AR: variants seen among roughly 807,000 people sequenced by gnomAD.
AR encodes dihydrotestosterone receptor.
A neutral mutation model predicts 53.9 loss-of-function variants in AR; 8 were observed. The ratio of observed to expected loss-of-function variants is 0.15; its 90% CI spans 0.09 to 0.27. AR has a LOEUF of 0.27. AR is among the 10% of genes least tolerant of loss of function. The pLI is 1.00. For missense variants in AR, 639 were observed against 742.5 expected (o/e 0.86, Z 1.62); for synonymous variants, 359 against 316.4 (o/e 1.13, Z -1.43).
chrX:67,632,531 C>G (rs1925210033), intron 1 of AR, among the ~76,000 whole-genome samples: 1 of 112,252 alleles, frequency 8.9e-6, no homozygotes, highest in Non-Finnish European at 1.9e-5. Flanking sequence ...CTGACCTGCG[C>G]CCACTGTCTG....
intron 2 of AR, among the ~76,000 whole-genome samples, chrX:67,674,528 C>T (rs1334199628): frequency 9.0e-6 from 1 of 111,266 alleles, no homozygotes; most frequent in Non-Finnish European, 1.9e-5. Context: ...ATTTTTTCCA[C>T]ACTTTCCTTC....
intron 2 of AR, among the ~76,000 whole-genome samples, chrX:67,676,190 G>A (rs1435617850): frequency 8.9e-6 from 1 of 111,736 alleles, no homozygotes; most frequent in Non-Finnish European, 1.9e-5. Context: ...TTGCCTCTGA[G>A]CAACCCTGCA....
chrX:67,580,936 G>C lies in AR; in HGVS notation c.1616+34174G>C, dbSNP rs781133321. Among the ~76,000 whole-genome samples, 15 of 111,861 alleles carry C rather than the reference G, an allele frequency of 1.3e-4. No individual in the cohort carries two copies. The South Asian group carries it at 4.4e-3, about 33-fold the overall frequency. ...CAGTAAATATTTGTTGAATGAATAA[G>C]TCATAAAGAAGAGTTTATATTTTAA... On this transcript the variant is annotated intron_variant, in intron 1 of 7. Coordinates refer to ENST00000374690, the MANE Select transcript of AR (RefSeq NM_000044.6).
chrX:67,664,398 C>T (rs1927137765), intron 2 of AR, among the ~76,000 whole-genome samples: 1 of 112,007 alleles, frequency 8.9e-6, no homozygotes, highest in Non-Finnish European at 1.9e-5. Flanking sequence ...CCCTGTTTGC[C>T]TGGTTATCAG....
chrX:67,662,454 G>A (rs1926981941), intron 2 of AR, among the ~76,000 whole-genome samples: 1 of 111,589 alleles, frequency 9.0e-6, no homozygotes, highest in Non-Finnish European at 1.9e-5. Flanking sequence ...TATGTACCTA[G>A]TAGTCATTAA....
rs560184350 is a variant in AR at position 67,597,025 on chromosome X, T to G, written c.1617-46231T>G. Among the ~76,000 whole-genome samples the G allele has an allele frequency of 1.2e-3, 134 of 112,222 alleles. No homozygotes were observed. In the South Asian group the frequency reaches 0.013, roughly 11 times the overall value. ...AGTGATTTGCCCCAAATTACATAAC[T>G]AGGAAGTTATTTGCTCAGTGTGGAA... On this transcript the variant is annotated intron_variant, in intron 1 of 7. Coordinates refer to ENST00000374690, the MANE Select transcript of AR (RefSeq NM_000044.6).
In AR at chrX:67,730,592, T is replaced by C. The variant is rs191667280; in HGVS notation, c.*6751T>C. ...TCCTCTTATCATTGTTGTTAATTTGTTAAAACATAAAGAAATCTAAAATTT... is the reference window on the plus strand; with the variant it reads ...TCCTCTTATCATTGTTGTTAATTTGCTAAAACATAAAGAAATCTAAAATTT... On this transcript the variant is annotated 3_prime_UTR_variant, in exon 8 of 8. Transcript: ENST00000374690. 2 of 167,076 alleles carry C rather than the reference T, an allele frequency of 1.2e-5. No homozygotes were observed. Among genetic ancestry groups the C allele is most frequent in the East Asian group, 1.7e-4 (2 of 11,438 alleles). The allele number at this position is 167,076 out of a possible 1,213,427, so 13.8% of individuals were successfully genotyped here.
Position 67,639,401 on chromosome X carries a change from C to G in AR, c.1617-3855C>G, listed in dbSNP as rs150491415. Among the ~76,000 whole-genome samples the G allele has an allele frequency of 7.3e-3, 814 of 111,871 alleles. 2 individuals carry two copies. Among genetic ancestry groups the G allele is most frequent in the Middle Eastern group, 0.019 (4 of 216 alleles). On this transcript the variant is annotated intron_variant, in intron 1 of 7. Transcript: ENST00000374690. Reference sequence around the variant, plus strand: ...GGGTTAGTATTGAATCTGTAAAACACTTTGGGCAGTTTGGCCATTTTCATG... The same window carrying G: ...GGGTTAGTATTGAATCTGTAAAACAGTTTGGGCAGTTTGGCCATTTTCATG...
At position 67,600,597 on chromosome X, in the gene AR, C is replaced by CA. The variant is rs964744048; in HGVS notation, c.1617-42652dup. Among the ~76,000 whole-genome samples, 159 of 109,472 alleles carry CA rather than the reference C, an allele frequency of 1.5e-3. 1 individual carries two copies. Among genetic ancestry groups the CA allele is most frequent in the Non-Finnish European group, 4.0e-4 (21 of 52,351 alleles). ...GTGAGGTGAGCATGTTTAATGGGCA[C>CA]AAAAAAATAGAAACAATGAATAAGA... On this transcript the variant is annotated intron_variant, in intron 1 of 7. Transcript: ENST00000374690.
rs1195382613 is a variant in AR, at chrX:67,726,637, G to A, written c.*2796G>A. 5.7e-6 allele frequency: 1 copy of A among 174,573 alleles called. No homozygotes were observed. Among genetic ancestry groups the A allele is most frequent in the Non-Finnish European group, 1.1e-5 (1 of 91,604 alleles). The allele number at this position is 174,573 out of a possible 1,213,427, so 14.4% of individuals were successfully genotyped here. On this transcript the variant is annotated 3_prime_UTR_variant, in exon 8 of 8. Coordinates refer to ENST00000374690, the MANE Select transcript of AR (RefSeq NM_000044.6). ...CAAATGACAAAACTAGGGAAAAATA[G>A]CCTACACAAGCCTTTAGGCCTACTC...
At position 67,676,854 on chromosome X, in the gene AR, G is replaced by A. The variant is rs149511808; in HGVS notation, c.1769-9156G>A. Among the ~76,000 whole-genome samples the A allele has an allele frequency of 9.4e-3, 1,047 of 111,786 alleles. 34 individuals carry two copies. The highest frequency in any genetic ancestry group is 0.068 in the Admixed American group (716 of 10,516). Reference sequence around the variant, plus strand: ...TGTTTTCTGCAGTGAGGGTGTCTCCGTTGTCTTTAATATGCTTGCTTTGAG... The same window carrying A: ...TGTTTTCTGCAGTGAGGGTGTCTCCATTGTCTTTAATATGCTTGCTTTGAG... On this transcript the variant is annotated intron_variant, in intron 2 of 7. Transcript: ENST00000374690.
At chrX:67,551,673 G>A (rs2147328406) in intron 1 of AR, among the ~76,000 whole-genome samples, 1 of 111,916 alleles carries the variant, frequency 8.9e-6, no homozygotes, top group Non-Finnish European at 1.9e-5. Flanking sequence ...TAGAAAGTTA[G>A]ATTTTCTATG....
At position 67,545,722 on chromosome X, in the gene AR, A is replaced by C. The variant is rs1929695156; in HGVS notation, c.576A>C (p.Gln192His). ...TCCTGAGCGAGGCCAGCACCATGCAACTCCTTCAGCAACAGCAGCAGGAAG... is the reference window on the plus strand; with the variant it reads ...TCCTGAGCGAGGCCAGCACCATGCACCTCCTTCAGCAACAGCAGCAGGAAG... ...KDILSEASTM[Q>H]LLQQQQQEAV... Residue 192 changes from glutamine to histidine, a missense_variant, in exon 1 of 8, where the codon CAA becomes CAC. Transcript: ENST00000374690. 1 of 1,208,026 alleles carries C rather than the reference A, an allele frequency of 8.3e-7. No homozygotes were observed. Among genetic ancestry groups the C allele is most frequent in the South Asian group, 1.8e-5 (1 of 56,520 alleles).
chrX:67,614,252 T>G (rs1478436466), intron 1 of AR, among the ~76,000 whole-genome samples: 1 of 111,415 alleles, frequency 9.0e-6, no homozygotes, highest in Non-Finnish European at 1.9e-5. Flanking sequence ...ATAAAACTTT[T>G]CATTGGTGCC....
chrX:67,637,819 TA>T (rs1464591384), intron 1 of AR, among the ~76,000 whole-genome samples: 1 of 111,276 alleles, frequency 9.0e-6, no homozygotes. Flanking sequence ...GTTTATCTGA[TA>T]ACTTTTTTTT....
At chrX:67,692,638 A>G (rs1030934898) in intron 3 of AR, among the ~76,000 whole-genome samples, 2 of 111,835 alleles carry the variant, frequency 1.8e-5, no homozygotes, top group East Asian at 2.8e-4. Context: ...AGTTTCTCCA[A>G]CCACACTGTG....
chrX:67,648,195 AAAAT>A (rs1043456807), intron 2 of AR, among the ~76,000 whole-genome samples: 1 of 111,825 alleles, frequency 8.9e-6, no homozygotes, highest in Non-Finnish European at 1.9e-5. Context: ...AACAAGAGAA[AAAAT>A]AAATAAGTCT....
At position 67,722,085 on chromosome X, in the gene AR, C is replaced by T. The variant is rs748158972; in HGVS notation, c.2449+122C>T. 3.4e-4 allele frequency: 280 copies of T among 813,033 alleles called. 1 individual carries two copies. The African/African-American group carries it at 5.4e-3, about 16-fold the overall frequency. 67.0% of individuals were successfully genotyped at this position (813,033 alleles called of 1,213,427 possible). On this transcript the variant is annotated intron_variant, in intron 6 of 7. Transcript: ENST00000374690. ...CCTGGACATTTCCCTTCTTCATTCC[C>T]CCTCCCCATCCCCACTCTACTCTCT...
chrX:67,661,699 G>C (rs918812168), intron 2 of AR, among the ~76,000 whole-genome samples: 1 of 111,265 alleles, frequency 9.0e-6, no homozygotes, highest in Non-Finnish European at 1.9e-5. Context: ...GATGATGTTG[G>C]CCTCCTAAAA....
Sources: gnomAD v4.1 joint callset for allele counts (sites outside exome capture counted in the v4.1 genomes callset) on GRCh38, gnomAD v4.1.1 for gene constraint, MANE v1.5 for transcripts, NCBI Gene and HGNC (gene_info 2026-07-23, HGNC 2026-07-21) for gene names.